PDS5A: variants seen among roughly 807,000 people sequenced by gnomAD.
PDS5A encodes sister chromatid cohesion protein PDS5 homolog A.
PDS5A carries 42 observed loss-of-function variants against 167.1 expected under a neutral mutation model. The ratio of observed to expected loss-of-function variants is 0.25; its 90% CI spans 0.20 to 0.33. The LOEUF (loss-of-function observed/expected upper bound fraction) is 0.33. PDS5A is among the 10% of genes least tolerant of loss of function. The probability of loss-of-function intolerance (pLI) is 1.00; values close to 1 mark genes in which losing one functional copy is unlikely to be tolerated. For synonymous variants in PDS5A, 553 were observed against 554.6 expected, an observed-to-expected ratio of 1.00 and a Z score of 0.04; for missense variants, 1,033 against 1,605.9, an observed-to-expected ratio of 0.64 and a Z score of 6.10.
chr4:39,876,259 G>A (rs1444991358), intron 19 of PDS5A, among the ~76,000 whole-genome samples: 3 of 152,034 alleles, frequency 2.0e-5, no homozygotes, highest in Non-Finnish European at 4.4e-5. Flanking sequence ...ACTCCTTGAG[G>A]GCAGGGACTA....
At chr4:39,915,539 T>C (rs1216223674) in intron 8 of PDS5A, among the ~76,000 whole-genome samples, 1 of 151,708 alleles carries the variant, frequency 6.6e-6, no homozygotes, top group Non-Finnish European at 1.5e-5. Flanking sequence ...TCTGTATTTT[T>C]TGTAGAGATG....
intron 26 of PDS5A, among the ~76,000 whole-genome samples, chr4:39,855,941 G>A (rs921538732): frequency 6.6e-5 from 10 of 152,092 alleles, no homozygotes; most frequent in African/African-American, 2.4e-4. Context: ...TCAAAAACTT[G>A]CAAATTTTAT....
rs1731117362 is a variant in PDS5A, at chr4:39,976,651, G to A, written c.-40-34C>T. On this transcript the variant is annotated intron_variant, in intron 1 of 32. Transcript: ENST00000303538. ...CAGAAAACCAAAGTTCAGCGGGAAA[G>A]GGGCGACTTTGTAACCTCTTTTTTC... 4.3e-6 allele frequency: 5 copies of A among 1,167,728 alleles called. No homozygotes were observed. The African/African-American group carries it at 4.6e-5, about 11-fold the overall frequency. The allele number at this position is 1,167,728 out of a possible 1,614,324, so 72.3% of individuals were successfully genotyped here. A position where few individuals can be genotyped will look rare whatever the true frequency, so the allele number is the denominator to read the frequency against.
At chr4:39,921,494 G>A (rs762748452) in intron 6 of PDS5A, among the ~76,000 whole-genome samples, 21 of 151,642 alleles carry the variant, frequency 1.4e-4, no homozygotes, top group South Asian at 2.1e-4. Context: ...TCAGCACTTC[G>A]GGAGGCTAAA....
chr4:39,969,346 ACC>A (rs1730284641), intron 2 of PDS5A, among the ~76,000 whole-genome samples: 1 of 152,194 alleles, frequency 6.6e-6, no homozygotes, highest in Non-Finnish European at 1.5e-5. Context: ...TACCTATGTT[ACC>A]ATCTCTAAGA....
At chr4:39,884,098 T>C (rs1721201448) in intron 17 of PDS5A, among the ~76,000 whole-genome samples, 1 of 151,958 alleles carries the variant, frequency 6.6e-6, no homozygotes, top group Admixed American at 6.6e-5. Flanking sequence ...CAGGCTAATT[T>C]TTGCATTTTT....
intron 32 of PDS5A, among the ~76,000 whole-genome samples, chr4:39,832,608 G>A (rs1378291588): frequency 6.6e-6 from 1 of 151,974 alleles, no homozygotes; most frequent in Admixed American, 6.6e-5. Flanking sequence ...TTGAGGGCTG[G>A]GGCAGGAAGA....
At chr4:39,929,570 T>A (rs1725810062) in intron 2 of PDS5A, among the ~76,000 whole-genome samples, 1 of 123,972 alleles carries the variant, frequency 8.1e-6, no homozygotes, top group African/African-American at 3.6e-5. Flanking sequence ...ATTAATATCC[T>A]ACATACATAT....
At chr4:39,916,702 C>T (rs1278367000) in intron 8 of PDS5A, among the ~76,000 whole-genome samples, 1 of 151,992 alleles carries the variant, frequency 6.6e-6, no homozygotes, top group Non-Finnish European at 1.5e-5. Flanking sequence ...CCCATCTCTA[C>T]TAAAAATAGA....
At chr4:39,921,081 C>A (rs898658118) in intron 6 of PDS5A, among the ~76,000 whole-genome samples, 3 of 152,116 alleles carry the variant, frequency 2.0e-5, no homozygotes, top group Non-Finnish European at 4.4e-5. Context: ...TCATCTAACA[C>A]CTCTTCCAAA....
chr4:39,868,984 T>C (rs1719782214), intron 22 of PDS5A, among the ~76,000 whole-genome samples: 1 of 152,212 alleles, frequency 6.6e-6, no homozygotes, highest in South Asian at 2.1e-4. Flanking sequence ...GGATTTAAGA[T>C]GCCTCTGAGC....
chr4:39,966,775 A>C (rs1690746544), intron 2 of PDS5A, among the ~76,000 whole-genome samples: 1 of 152,112 alleles, frequency 6.6e-6, no homozygotes, highest in Admixed American at 6.6e-5. Flanking sequence ...AGCTGGGTGG[A>C]TCACTTGAGG....
intron 26 of PDS5A, among the ~76,000 whole-genome samples, chr4:39,852,461 T>C (rs1288824007): frequency 1.3e-5 from 2 of 152,098 alleles, no homozygotes; most frequent in African/African-American, 4.8e-5. Flanking sequence ...CTCGTATCTT[T>C]TCACTGAACT....
chr4:39,940,830 CT>C (rs1470262515), intron 2 of PDS5A, among the ~76,000 whole-genome samples: 1 of 152,086 alleles, frequency 6.6e-6, no homozygotes, highest in African/African-American at 2.4e-5. Context: ...ATTTTGGGGT[CT>C]TGTTGTTTGT....
intron 18 of PDS5A, among the ~76,000 whole-genome samples, 200 bp from the exon 19 acceptor site, chr4:39,877,353 A>T (rs1578653379): frequency 6.6e-6 from 1 of 152,184 alleles, no homozygotes; most frequent in East Asian, 1.9e-4. Context: ...GCTTCCAGTT[A>T]TTCCTTGACA....
At chr4:39,910,822 C>T (rs1723815707) in intron 9 of PDS5A, among the ~76,000 whole-genome samples, 1 of 152,168 alleles carries the variant, frequency 6.6e-6, no homozygotes, top group Non-Finnish European at 1.5e-5. Context: ...TGGCAAAACC[C>T]TGTCTCTACA....
chr4:39,826,204 C>T (rs1232648324), intron 32 of PDS5A, among the ~76,000 whole-genome samples: 3 of 145,204 alleles, frequency 2.1e-5, no homozygotes, highest in Non-Finnish European at 3.0e-5. Flanking sequence ...TTTTTTTAAA[C>T]GCATTTCCCT....
intron 16 of PDS5A, among the ~76,000 whole-genome samples, chr4:39,892,681 T>G (rs958580807): frequency 6.6e-6 from 1 of 152,222 alleles, no homozygotes; most frequent in African/African-American, 2.4e-5. Context: ...CAGTGAATTA[T>G]AACAGTGTGT....
At chr4:39,839,536 T>C (rs177529) in intron 31 of PDS5A, among the ~76,000 whole-genome samples, 40,820 of 151,910 alleles carry the variant, frequency 0.27, 6,398 homozygotes, top group Middle Eastern at 0.42. Context: ...GCCACTGCAC[T>C]TTAGCCTGGG....
Sources: allele counts gnomAD v4.1 joint callset (sites outside exome capture counted in the v4.1 genomes callset), GRCh38; gene constraint gnomAD v4.1.1; transcripts MANE v1.5; gene names NCBI Gene and HGNC (gene_info 2026-07-23, HGNC 2026-07-21).